Variants in MYLK4 observed in about 807,000 individuals in gnomAD.
The protein encoded by MYLK4 is caMLCK like.
MYLK4 carries 46 observed loss-of-function variants against 48.1 expected under a neutral mutation model. The observed-to-expected ratio is 0.96, with a 90% CI of 0.75 to 1.22. The LOEUF is 1.22. Ranked by LOEUF, MYLK4 falls within the 50% of genes most tolerant of loss-of-function variation. The pLI is 0.00. For missense variants in MYLK4, 451 were observed against 486.1 expected (o/e 0.93, Z 0.68); for synonymous variants, 170 against 180.8 (o/e 0.94, Z 0.48).
chr6:2,702,794 A>T (rs1457591460), intron 2 of MYLK4, among the ~76,000 whole-genome samples: 3 of 152,166 alleles, frequency 2.0e-5, no homozygotes, highest in Non-Finnish European at 4.4e-5. Flanking sequence ...AATTAGAAAT[A>T]AATTAATTAA....
intron 2 of MYLK4, among the ~76,000 whole-genome samples, chr6:2,708,450 G>GA (rs1298000268): frequency 2.0e-5 from 3 of 151,560 alleles, no homozygotes; most frequent in South Asian, 2.1e-4. Flanking sequence ...GGCTATGGGA[G>GA]AAAAAAAAAT....
intron 2 of MYLK4, chr6:2,743,864 G>T: frequency 2.5e-6 from 1 of 398,504 alleles, no homozygotes; most frequent in Non-Finnish European, 4.4e-6. Context: ...CGAACAAAAT[G>T]AATCTGTCTT....
intron 2 of MYLK4, among the ~76,000 whole-genome samples, chr6:2,709,458 C>T (rs981873962): frequency 6.6e-6 from 1 of 152,214 alleles, no homozygotes; most frequent in Admixed American, 6.5e-5. Flanking sequence ...CTTGCACCTT[C>T]CCACTGGGCA....
intron 2 of MYLK4, among the ~76,000 whole-genome samples, chr6:2,727,042 C>T (rs967566099): frequency 6.6e-6 from 1 of 152,172 alleles, no homozygotes; most frequent in East Asian, 1.9e-4. Context: ...ACATTGTGAA[C>T]GTGTCAGATT....
chr6:2,692,588 A>G (rs977128625), intron 3 of MYLK4, among the ~76,000 whole-genome samples, 196 bp downstream of exon 3: 4 of 145,648 alleles, frequency 2.7e-5, no homozygotes, highest in African/African-American at 1.0e-4. Context: ...TTGGGTTCCA[A>G]AAGATTTTCT....
chr6:2,692,920 C>T (rs1582053956), intron 2 of MYLK4, 61 bp from the exon 3 acceptor site: 6 of 1,423,862 alleles, frequency 4.2e-6, no homozygotes, highest in Non-Finnish European at 5.9e-6. Flanking sequence ...TCAACCTCAG[C>T]ACTCCTGACA....
At chr6:2,758,026 C>A in the MYLK4 span, among the ~76,000 whole-genome samples, 1 of 152,104 alleles carries the variant, frequency 6.6e-6, no homozygotes, top group Non-Finnish European at 1.5e-5. Context: ...CAACATTTAC[C>A]TTATGGGGTT....
At chr6:2,698,983 C>T (rs149250949) in intron 2 of MYLK4, among the ~76,000 whole-genome samples, 238 of 152,304 alleles carry the variant, frequency 1.6e-3, no homozygotes, top group African/African-American at 5.3e-3. Context: ...GTAAGTGGAT[C>T]CTCCCCAGGC....
At chr6:2,765,911 G>A in the MYLK4 span, 1 of 1,455,404 alleles carries the variant, frequency 6.9e-7, no homozygotes, top group South Asian at 1.3e-5. Flanking sequence ...GGGCGAGGGT[G>A]AGGAGGGCGA....
chr6:2,715,913 T>C (rs149388849), intron 2 of MYLK4, among the ~76,000 whole-genome samples: 2,707 of 152,368 alleles, frequency 0.018, 42 homozygotes, highest in Non-Finnish European at 0.029. Context: ...TGTTCCGTGC[T>C]GACCAGGATT....
chr6:2,680,195 G>T (rs780224955), intron 8 of MYLK4, 26 bp downstream of exon 8: 4 of 1,613,082 alleles, frequency 2.5e-6, no homozygotes, highest in Admixed American at 1.7e-5. Flanking sequence ...AGCTCCATTC[G>T]TACACCTATG....
At chr6:2,766,309 C>T in the MYLK4 span, 2 of 1,609,830 alleles carry the variant, frequency 1.2e-6, no homozygotes, top group Non-Finnish European at 1.7e-6. Flanking sequence ...CGCTGGCCGA[C>T]ACGATGCGTC....
chr6:2,710,181 G>A (rs867306787), intron 2 of MYLK4, among the ~76,000 whole-genome samples: 2 of 151,962 alleles, frequency 1.3e-5, no homozygotes, highest in Admixed American at 1.3e-4. Flanking sequence ...TGCTGCTTCC[G>A]GTTTTCAATG....
intron 2 of MYLK4, among the ~76,000 whole-genome samples, chr6:2,702,462 C>G (rs1762322047): frequency 6.6e-6 from 1 of 151,772 alleles, no homozygotes; most frequent in Non-Finnish European, 1.5e-5. Flanking sequence ...ATAGTTCTTA[C>G]AAATCAAAAT....
chr6:2,765,591 C>T, the MYLK4 span: 9 of 1,467,218 alleles, frequency 6.1e-6, no homozygotes, highest in South Asian at 3.8e-5. Flanking sequence ...TTGCTGCGGC[C>T]GCGCCGGGCG....
intron 2 of MYLK4, among the ~76,000 whole-genome samples, chr6:2,743,037 G>C (rs922256372): frequency 6.6e-6 from 1 of 152,100 alleles, no homozygotes; most frequent in African/African-American, 2.4e-5. Flanking sequence ...CTCTTTTTAC[G>C]TATAAAGCAC....
At chr6:2,697,423 C>A (rs1257969139) in intron 2 of MYLK4, among the ~76,000 whole-genome samples, 1 of 152,232 alleles carries the variant, frequency 6.6e-6, no homozygotes, top group African/African-American at 2.4e-5. Context: ...ACTTTATCCT[C>A]TTTTCTCCGT....
At chr6:2,697,721 G>C (rs958155023) in intron 2 of MYLK4, among the ~76,000 whole-genome samples, 1 of 152,230 alleles carries the variant, frequency 6.6e-6, no homozygotes, top group Non-Finnish European at 1.5e-5. Flanking sequence ...TAAAGGCTGA[G>C]ATAAGGGCTG....
At chr6:2,682,892 C>T (rs933871997) in intron 7 of MYLK4, 129 bp downstream of exon 7, 79 of 992,210 alleles carry the variant, frequency 8.0e-5, no homozygotes, top group Non-Finnish European at 1.1e-4. Context: ...ATGAGGGTAA[C>T]AATTCAGATG....
Sources: allele counts gnomAD v4.1 joint callset (sites outside exome capture counted in the v4.1 genomes callset), GRCh38; gene constraint gnomAD v4.1.1; transcripts MANE v1.5; gene names NCBI Gene and HGNC (gene_info 2026-07-23, HGNC 2026-07-21).